The following VDR variants were observed in gnomAD, a reference collection of about 807,000 sequenced individuals.
VDR encodes vitamin D receptor, also known as vitamin D3 receptor.
VDR carries 19 observed loss-of-function variants against 39.7 expected under a neutral mutation model. That is an observed-to-expected ratio of 0.48 (90% CI 0.33 to 0.70). The LOEUF (loss-of-function observed/expected upper bound fraction) is 0.70. Ranked by LOEUF, VDR falls within the 30% of genes least tolerant of loss-of-function variation. The pLI is 0.02. For missense variants in VDR, 442 were observed against 570.5 expected (o/e 0.77, Z 2.29); for synonymous variants, 242 against 215.8 (o/e 1.12, Z -1.07).
chr12:47,878,170 C>T (rs999108143), intron 3 of VDR, among the ~76,000 whole-genome samples: 1 of 152,214 alleles, frequency 6.6e-6, no homozygotes, highest in South Asian at 2.1e-4. Context: ...GTCTAGACCG[C>T]TAGACAGAAG....
Position 47,867,409 on chromosome 12 carries a change from TTGTG to T in VDR, c.147-2236_147-2233del, listed in dbSNP as rs10559544. ...GTGGCACCCTTGTAGCCTATGTAAG[TTGTG>T]TGTGTGTGTGTGTGTGTGCACAAGT... On this transcript the variant is annotated intron_variant, in intron 3 of 9. Transcript: ENST00000549336. Among the ~76,000 whole-genome samples, 489 of 150,706 alleles carry T rather than the reference TTGTG, an allele frequency of 3.2e-3. 4 individuals are homozygous for T. Among genetic ancestry groups the T allele is most frequent in the African/African-American group, 0.011 (443 of 41,116 alleles).
At chr12:47,858,543 C>A (rs889975744) in intron 4 of VDR, among the ~76,000 whole-genome samples, 6 of 152,228 alleles carry the variant, frequency 3.9e-5, no homozygotes, top group Admixed American at 2.6e-4. Flanking sequence ...ATAGAGAGCC[C>A]CACCACCACC....
intron 2 of VDR, among the ~76,000 whole-genome samples, chr12:47,879,822 G>A (rs1368333322): frequency 6.6e-6 from 1 of 152,050 alleles, no homozygotes; most frequent in African/African-American, 2.4e-5. Context: ...TCTGAGTCAT[G>A]TGAGTCCTAT....
At chr12:47,878,918 GCTT>G (rs1565627553) in intron 3 of VDR, 47 bp downstream of exon 3, 1 of 1,613,760 alleles carries the variant, frequency 6.2e-7, no homozygotes, top group Non-Finnish European at 8.5e-7. Flanking sequence ...GAAACACCTT[GCTT>G]CTTCTCCCTC....
intron 7 of VDR, among the ~76,000 whole-genome samples, chr12:47,849,460 A>G (rs991407789): frequency 6.6e-6 from 1 of 152,238 alleles, no homozygotes; most frequent in African/African-American, 2.4e-5. Flanking sequence ...CTATTGAGCT[A>G]CAATCCACGT....
Position 47,881,102 on chromosome 12 carries a change from G to GTA in VDR, c.-3+1591_-3+1592insTA, listed in dbSNP as rs576567216. Among the ~76,000 whole-genome samples, 261 of 102,960 alleles carry GTA rather than the reference G, an allele frequency of 2.5e-3. 3 individuals are homozygous for GTA. The South Asian group carries it at 0.046, about 18-fold the overall frequency. The allele number at this position is 102,960 out of a possible 152,430, so 67.5% of individuals were successfully genotyped here. A position where few individuals can be genotyped will look rare whatever the true frequency, so the allele number is the denominator to read the frequency against. ...GAAAATACAGTATATGTGTGTGTGT[G>GTA]TGTATATATATATATATACACACAC... On this transcript the variant is annotated intron_variant, in intron 2 of 9. Transcript: ENST00000549336.
chr12:47,873,927 G>A lies in VDR; in HGVS notation c.146+5041C>T, dbSNP rs540842212. Among the ~76,000 whole-genome samples, 5 of 152,302 alleles carry A rather than the reference G, an allele frequency of 3.3e-5. No individual in the cohort carries two copies. The East Asian group carries it at 9.6e-4, about 29-fold the overall frequency. On this transcript the variant is annotated intron_variant, in intron 3 of 9. Transcript: ENST00000549336. ...GCTTTGGAAGTGTGGGGTCACATCT[G>A]ACCATGCTCTCCACTGGCCCTGTAT...
chr12:47,844,951 G>C lies in VDR; in HGVS notation c.1079C>G (p.Ser360Cys), dbSNP rs1477620055. The change falls in exon 10 of 10, where the codon TCC becomes TGC. Residue 360 changes from serine to cysteine, a missense_variant. Physicochemically the swap from Ser to Cys is moderately radical, Grantham distance 112 (BLOSUM62 -1). Around this residue, in one of 5 missense-constraint regions of VDR, gnomAD observed 173 missense variants for 252.0 expected, o/e 0.69. Transcript: ENST00000549336. ...GCGGATGTACGTCTGCAGTGTGTTGGACAGGCGGTCCTGGATGGCCTCAAT... is the reference window on the plus strand; with the variant it reads ...GCGGATGTACGTCTGCAGTGTGTTGCACAGGCGGTCCTGGATGGCCTCAAT... The part of the protein sequence containing the change: ...ALIEAIQDRL[S>C]NTLQTYIRCR... 1 of 1,613,854 alleles carries C rather than the reference G, an allele frequency of 6.2e-7. No homozygotes were observed. The highest frequency in any genetic ancestry group is 1.3e-5 in the African/African-American group (1 of 74,886).
At chr12:47,876,253 G>C (rs1946001215) in intron 3 of VDR, among the ~76,000 whole-genome samples, 1 of 151,992 alleles carries the variant, frequency 6.6e-6, no homozygotes, top group Admixed American at 6.6e-5. Flanking sequence ...GTGTGTGTTT[G>C]TTTATGTACA....
intron 4 of VDR, among the ~76,000 whole-genome samples, 198 bp from the exon 5 acceptor site, chr12:47,857,886 T>C (rs1394021465): frequency 6.6e-6 from 1 of 152,042 alleles, no homozygotes; most frequent in Non-Finnish European, 1.5e-5. Flanking sequence ...GGAAGGCACA[T>C]GCAAGAAGAA....
At position 47,857,722 on chromosome 12, in the gene VDR, C is replaced by A; in HGVS notation, c.278-34G>T. 1.9e-6 allele frequency: 3 copies of A among 1,605,370 alleles called. No homozygotes were observed. The East Asian group carries it at 6.7e-5, about 36-fold the overall frequency. ...TGGGAAGGGGAGTCAGGAGGGCTGGCCAGCAGCTCCTCCAGGAAACCTTCC... is the reference window on the plus strand; with the variant it reads ...TGGGAAGGGGAGTCAGGAGGGCTGGACAGCAGCTCCTCCAGGAAACCTTCC... On this transcript the variant is annotated intron_variant, in intron 4 of 9. Coordinates refer to ENST00000549336, the MANE Select transcript of VDR (RefSeq NM_000376.3).
At chr12:47,847,347 T>A (rs1208641984) in intron 7 of VDR, among the ~76,000 whole-genome samples, 1 of 149,446 alleles carries the variant, frequency 6.7e-6, no homozygotes, top group Non-Finnish European at 1.5e-5. Context: ...AATCCCAGAC[T>A]TGTGTCTCTC....
At chr12:47,902,543 A>G (rs1017006350) in intron 1 of VDR, among the ~76,000 whole-genome samples, 2 of 152,236 alleles carry the variant, frequency 1.3e-5, no homozygotes, top group African/African-American at 4.8e-5. Context: ...AATCTGGTCA[A>G]TTCCTTATTT....
At chr12:47,848,552 C>CT in intron 7 of VDR, among the ~76,000 whole-genome samples, 1 of 114,066 alleles carries the variant, frequency 8.8e-6, no homozygotes, top group Non-Finnish European at 1.7e-5. Flanking sequence ...TTGTTTTCTA[C>CT]TCCTTTTTTT....
intron 4 of VDR, among the ~76,000 whole-genome samples, chr12:47,861,409 C>T (rs1370581844): frequency 6.6e-6 from 1 of 152,226 alleles, no homozygotes; most frequent in Admixed American, 6.5e-5. Context: ...CACACAGGCC[C>T]AATCCATGAG....
intron 1 of VDR, among the ~76,000 whole-genome samples, chr12:47,887,961 C>A (rs1486258763): frequency 6.6e-6 from 1 of 152,158 alleles, no homozygotes; most frequent in African/African-American, 2.4e-5. Context: ...GGACTGACAC[C>A]CCCTGCAGTA....
chr12:47,858,053 T>C lies in VDR; in HGVS notation c.278-365A>G, dbSNP rs569419706. Among the ~76,000 whole-genome samples, 65 of 146,962 alleles carry C rather than the reference T, an allele frequency of 4.4e-4. No homozygotes were observed. In the South Asian group the frequency reaches 0.014, roughly 32 times the overall value. On this transcript the variant is annotated intron_variant, in intron 4 of 9. Transcript: ENST00000549336. Reference sequence around the variant, plus strand: ...TGTAAGTTCTTCCAAGGTTCCTTTCTTGTACCTTCCTCCATAAAGTGTGTG... The same window carrying C: ...TGTAAGTTCTTCCAAGGTTCCTTTCCTGTACCTTCCTCCATAAAGTGTGTG...
At chr12:47,904,092 A>T (rs1316973091) in intron 1 of VDR, among the ~76,000 whole-genome samples, 1 of 134,244 alleles carries the variant, frequency 7.4e-6, no homozygotes, top group Non-Finnish European at 1.6e-5. Context: ...ATAGAGGAGG[A>T]GGAGGAACAA....
intron 3 of VDR, among the ~76,000 whole-genome samples, chr12:47,866,297 C>T (rs984225474): frequency 2.7e-5 from 4 of 145,546 alleles, no homozygotes; most frequent in Non-Finnish European, 6.1e-5. Context: ...TCAGTAGAGA[C>T]GGGGTTTCAC....
Sources: gnomAD v4.1 joint callset for allele counts (sites outside exome capture counted in the v4.1 genomes callset) on GRCh38, gnomAD v4.1.1 for gene constraint, gnomAD v4.1.1 regional missense constraint, MANE v1.5 for transcripts, NCBI Gene and HGNC (gene_info 2026-07-23, HGNC 2026-07-21) for gene names.